Variants in DMD observed in about 807,000 individuals in gnomAD.
DMD encodes the protein dystrophin.
A neutral mutation model predicts 330.1 loss-of-function variants in DMD; 63 were observed. The observed-to-expected ratio is 0.19, with a 90% confidence interval of 0.16 to 0.24. The LOEUF is 0.24. Among genes scored for constraint, DMD ranks in the 10% least tolerant of loss-of-function variants. The pLI is 1.00. For missense variants in DMD, 3,344 were observed against 2,684.1 expected, an observed-to-expected ratio of 1.25 and a Z score of -5.43; for synonymous variants, 1,223 against 959.8, an observed-to-expected ratio of 1.27 and a Z score of -5.07.
chrX:33,137,122 C>T (rs1339639117), intron 1 of DMD, among the ~76,000 whole-genome samples: 1 of 110,327 alleles, frequency 9.1e-6, no homozygotes, highest in Non-Finnish European at 1.9e-5. Flanking sequence ...GGAGATCGTC[C>T]CCTGCTCCCT....
chrX:32,410,969 G>A (rs2098139385), intron 30 of DMD, among the ~76,000 whole-genome samples: 2 of 111,210 alleles, frequency 1.8e-5, no homozygotes, highest in South Asian at 7.5e-4. Flanking sequence ...GCTATATTGA[G>A]CATGATCATT....
chrX:31,230,660 A>T (rs1387422784), intron 63 of DMD, among the ~76,000 whole-genome samples: 1 of 106,336 alleles, frequency 9.4e-6, no homozygotes, highest in African/African-American at 3.5e-5. Context: ...AGAAAAAAAA[A>T]AAAGGGAGAG....
chrX:31,202,729 T>G (rs1293015020), intron 67 of DMD, among the ~76,000 whole-genome samples: 1 of 111,762 alleles, frequency 8.9e-6, no homozygotes, highest in African/African-American at 3.3e-5. Context: ...TGAGAAACCC[T>G]ACATAAGAAA....
At chrX:33,011,848 G>A (rs762357104) in intron 2 of DMD, among the ~76,000 whole-genome samples, 1 of 111,749 alleles carries the variant, frequency 8.9e-6, no homozygotes, top group African/African-American at 3.2e-5. Flanking sequence ...TAATGGATAG[G>A]CCCATCAGCC....
chrX:32,187,764 A>T (rs1256364868), intron 44 of DMD, among the ~76,000 whole-genome samples: 2 of 111,316 alleles, frequency 1.8e-5, no homozygotes, highest in Non-Finnish European at 3.8e-5. Flanking sequence ...AACCAAAACC[A>T]GAATTATTTT....
At chrX:32,335,493 A>C (rs1031811826) in intron 41 of DMD, among the ~76,000 whole-genome samples, 1 of 83,193 alleles carries the variant, frequency 1.2e-5, no homozygotes, top group African/African-American at 3.7e-5. Flanking sequence ...ACATTTATAT[A>C]TACATGTTAT....
At chrX:31,276,126 G>A (rs1352728370) in intron 62 of DMD, among the ~76,000 whole-genome samples, 1 of 111,795 alleles carries the variant, frequency 8.9e-6, no homozygotes, top group Non-Finnish European at 1.9e-5. Flanking sequence ...GCACGATCTC[G>A]GCTCACTGCA....
At chrX:31,554,933 C>G in intron 55 of DMD, among the ~76,000 whole-genome samples, 1 of 111,863 alleles carries the variant, frequency 8.9e-6, no homozygotes, top group East Asian at 2.8e-4. Context: ...TTATGAGGTG[C>G]TGTCTGAAAA....
intron 51 of DMD, among the ~76,000 whole-genome samples, chrX:31,761,175 G>A (rs998435228): frequency 7.2e-5 from 8 of 110,792 alleles, no homozygotes; most frequent in Non-Finnish European, 1.5e-4. Flanking sequence ...GTGAGCCACC[G>A]CGCCTGGCCC....
intron 13 of DMD, among the ~76,000 whole-genome samples, chrX:32,590,986 A>G (rs2054845193): frequency 1.8e-5 from 2 of 111,552 alleles, no homozygotes; most frequent in African/African-American, 6.5e-5. Context: ...GAACCTTAAT[A>G]CACTCTGTCT....
At chrX:31,173,738 C>T in intron 71 of DMD, 134 bp from the exon 72 acceptor site, 1 of 441,491 alleles carries the variant, frequency 2.3e-6, no homozygotes, top group Admixed American at 4.1e-5. Flanking sequence ...CATTTAGTTG[C>T]TCCTATATCT....
chrX:32,323,374 A>G (rs1207608123), intron 41 of DMD, among the ~76,000 whole-genome samples: 2 of 111,668 alleles, frequency 1.8e-5, no homozygotes, highest in Non-Finnish European at 3.8e-5. Context: ...AAACGGTACA[A>G]AAAAACAGTG....
chrX:32,082,434 A>G (rs1268558739), intron 44 of DMD, among the ~76,000 whole-genome samples: 1 of 107,625 alleles, frequency 9.3e-6, no homozygotes, highest in East Asian at 2.9e-4. Context: ...CTATCTATCT[A>G]TCTATTTTGT....
chrX:32,044,509 C>T (rs896439767), intron 44 of DMD, among the ~76,000 whole-genome samples: 17 of 110,620 alleles, frequency 1.5e-4, no homozygotes, highest in Admixed American at 1.2e-3. Flanking sequence ...GCAAGCTCTG[C>T]ATCCCAGGTT....
At chrX:31,808,881 CAT>C (rs2092373275) in intron 50 of DMD, among the ~76,000 whole-genome samples, 1 of 111,146 alleles carries the variant, frequency 9.0e-6, no homozygotes, top group African/African-American at 3.3e-5. Context: ...CACCAAATCA[CAT>C]AGTTATGAAA....
At chrX:32,082,483 G>C (rs2147910871) in intron 44 of DMD, among the ~76,000 whole-genome samples, 1 of 110,947 alleles carries the variant, frequency 9.0e-6, no homozygotes, top group Non-Finnish European at 1.9e-5. Flanking sequence ...GTCTTGAACT[G>C]CTAGCCTCAA....
At chrX:31,692,849 A>T (rs907795467) in intron 52 of DMD, among the ~76,000 whole-genome samples, 8 of 111,691 alleles carry the variant, frequency 7.2e-5, no homozygotes, top group African/African-American at 2.6e-4. Context: ...CAAACATTTA[A>T]AGAAGACCTA....
chrX:31,512,766 T>C (rs2071762307), intron 55 of DMD, among the ~76,000 whole-genome samples: 1 of 111,647 alleles, frequency 9.0e-6, no homozygotes, highest in South Asian at 3.8e-4. Flanking sequence ...AGTCAGCTAG[T>C]GTGATGCCTC....
At chrX:32,240,645 T>C (rs1193361095) in intron 43 of DMD, among the ~76,000 whole-genome samples, 11 of 112,050 alleles carry the variant, frequency 9.8e-5, no homozygotes, top group Admixed American at 4.7e-4. Context: ...GGATAGAAAC[T>C]TAAGAGCCAA....
Sources: gnomAD v4.1 joint callset for allele counts (sites outside exome capture counted in the v4.1 genomes callset) on GRCh38, gnomAD v4.1.1 for gene constraint, MANE v1.5 for transcripts, NCBI Gene and HGNC (gene_info 2026-07-23, HGNC 2026-07-21) for gene names.